Variants in EVC observed in about 807,000 individuals in gnomAD.
The protein encoded by EVC is evC complex member EVC.
In EVC, 116 loss-of-function variants were observed where a neutral mutation model predicts 118.9. That is an observed-to-expected ratio of 0.98 (90% confidence interval 0.84 to 1.14). The LOEUF (loss-of-function observed/expected upper bound fraction) is 1.14, where lower values mean the gene tolerates loss of function less well. Among genes scored for constraint, EVC ranks in the 50% most tolerant of loss-of-function variants. The pLI, the probability that EVC is intolerant of heterozygous loss-of-function variation, is 0.00. For synonymous variants in EVC, 619 were observed against 534.7 expected, an observed-to-expected ratio of 1.16 and a Z score of -2.18; for missense variants, 1,401 against 1,246.4, an observed-to-expected ratio of 1.12 and a Z score of -1.87.
intron 2 of EVC, among the ~76,000 whole-genome samples, chr4:5,722,366 C>T (rs910781808): frequency 6.6e-6 from 1 of 152,170 alleles, no homozygotes; most frequent in African/African-American, 2.4e-5. Context: ...CTAATAATTG[C>T]CAAGGGTTAA....
rs1716697966 is a variant in EVC at position 5,810,373 on chromosome 4, G to T, written c.2817G>T (p.Leu939=). 2 of 1,613,896 alleles carry T rather than the reference G, an allele frequency of 1.2e-6. No individual in the cohort carries two copies. Among genetic ancestry groups the T allele is most frequent in the Non-Finnish European group, 1.7e-6 (2 of 1,179,956 alleles). Residue 939 remains leucine (L), a synonymous_variant, in exon 20 of 21, where the codon CTG becomes CTT. Coordinates refer to ENST00000264956, the MANE Select transcript of EVC (RefSeq NM_153717.3). Reference sequence around the variant, plus strand: ...TAAGGACTAAAAGGAAGAAGCCCCTGCCCCAGGAAAGAGGGGACCTGGGGG... The same window carrying T: ...TAAGGACTAAAAGGAAGAAGCCCCTTCCCCAGGAAAGAGGGGACCTGGGGG... ...KPLRTKRKKP[L]PQERGDLGVP... is the part of the protein sequence containing the mutation.
the EVC span, chr4:5,825,460 A>G: frequency 2.0e-6 from 3 of 1,538,274 alleles, no homozygotes; most frequent in South Asian, 1.3e-5. This position sits in a 1 kb window ranked among gnomAD's most constrained non-coding sequence, Gnocchi z 4.4. Context: ...AACTGCTGCA[A>G]TTGTGGGGAG....
intron 2 of EVC, among the ~76,000 whole-genome samples, chr4:5,727,566 C>G (rs1311845897): frequency 6.6e-6 from 1 of 152,016 alleles, no homozygotes; most frequent in Non-Finnish European, 1.5e-5. Context: ...TGCAGAAGCT[C>G]TTTAGTTTAA....
In EVC at chr4:5,749,041, GC is replaced by G. The variant is rs1177124983; in HGVS notation, c.1098+738del. Among the ~76,000 whole-genome samples the G allele has an allele frequency of 6.6e-6, 1 of 151,946 alleles. No individual in the cohort carries two copies. The highest frequency in any genetic ancestry group is 1.5e-5 in the Non-Finnish European group (1 of 67,990). The stretch of plus-strand genomic sequence containing the variant: ...GACGATGGTGGGAGCTGGGGTTGAC[GC>G]CCACTGGTGTAGACAGAGCATTGAT... On this transcript the variant is annotated intron_variant, in intron 8 of 20. Transcript: ENST00000264956. This position sits in a 1 kb window ranked among gnomAD's most constrained non-coding sequence, Gnocchi z 4.4.
At chr4:5,816,493 T>A (rs1448959149), downstream of EVC, among the ~76,000 whole-genome samples, 1 of 152,106 alleles carries the variant, frequency 6.6e-6, no homozygotes, top group Admixed American at 6.5e-5. Flanking sequence ...CCCCAGGACT[T>A]CTTGCTCTAC....
chr4:5,798,852 A>G lies in EVC; in HGVS notation c.2304+60A>G, dbSNP rs73077517. 1 of 1,548,374 alleles carries G rather than the reference A, an allele frequency of 6.5e-7. No individual in the cohort carries two copies. Among genetic ancestry groups the G allele is most frequent in the Admixed American group, 1.8e-5 (1 of 54,208 alleles). ...GGCAAGAATGTTCAGGGTAGGGTCC[A>G]TGCCTGGGTCTGCTCCTTGCCACAC... On this transcript the variant is annotated intron_variant, in intron 15 of 20. Coordinates refer to ENST00000264956, the MANE Select transcript of EVC (RefSeq NM_153717.3). This position sits in a 1 kb window ranked among gnomAD's most constrained non-coding sequence, Gnocchi z 4.1.
the EVC span, chr4:5,824,906 AG>A: frequency 1.0e-6 from 1 of 985,428 alleles, no homozygotes; most frequent in South Asian, 4.7e-5. Context: ...GAAAGTCAGG[AG>A]GGATCAGGTC....
chr4:5,744,590 T>G (rs1177045408), intron 6 of EVC, among the ~76,000 whole-genome samples: 1 of 152,182 alleles, frequency 6.6e-6, no homozygotes, highest in African/African-American at 2.4e-5. Flanking sequence ...CATGCACAGC[T>G]ATCATGGCTT....
the EVC span, among the ~76,000 whole-genome samples, chr4:5,819,826 GTAGT>G: frequency 7.9e-5 from 12 of 152,162 alleles, no homozygotes; most frequent in Admixed American, 5.9e-4. Context: ...GTCTTTCTCA[GTAGT>G]TAGTTAACCT....
At chr4:5,758,825 G>C (rs1731572070) in intron 11 of EVC, among the ~76,000 whole-genome samples, 3 of 152,316 alleles carry the variant, frequency 2.0e-5, no homozygotes, top group Admixed American at 6.5e-5. Flanking sequence ...CTCGCTTCTT[G>C]TGTTTTTAGT....
In EVC at chr4:5,764,772, G is replaced by A. The variant is rs1212392018; in HGVS notation, c.1563+8410G>A. Among the ~76,000 whole-genome samples, 134 of 143,670 alleles carry A rather than the reference G, an allele frequency of 9.3e-4. 1 individual carries two copies. Among genetic ancestry groups the A allele is most frequent in the African/African-American group, 3.0e-3 (113 of 38,106 alleles). The allele number at this position is 143,670 out of a possible 152,430, so 94.3% of individuals were successfully genotyped here. On this transcript the variant is annotated intron_variant, in intron 11 of 20. Coordinates refer to ENST00000264956, the MANE Select transcript of EVC (RefSeq NM_153717.3). ...TATCCCCTTTATCATTTTTTATTGC[G>A]TCTATTTGATTCTTCTCTCTTTTCT...
intron 2 of EVC, among the ~76,000 whole-genome samples, chr4:5,722,794 T>G (rs142756762): frequency 0.019 from 2,959 of 152,366 alleles, 43 homozygotes; most frequent in Non-Finnish European, 0.031. Context: ...ATAATTGCAT[T>G]GCTCCAGCTG....
chr4:5,718,589 T>C (rs890563055), intron 1 of EVC, among the ~76,000 whole-genome samples: 4 of 151,794 alleles, frequency 2.6e-5, no homozygotes, highest in Admixed American at 2.0e-4. Context: ...GAAGGCAGAG[T>C]GCTACTTTGT....
At chr4:5,828,469 T>A in the EVC span, 1 of 1,608,394 alleles carries the variant, frequency 6.2e-7, no homozygotes, top group South Asian at 1.1e-5. Flanking sequence ...GTGGGCCCGC[T>A]CCCCTGCAGA....
In EVC at chr4:5,793,684, G is replaced by A. The variant is rs759962630; in HGVS notation, c.1853G>A (p.Gly618Asp). The A allele has an allele frequency of 3.9e-6, 6 of 1,551,732 alleles. No individual in the cohort carries two copies. The African/African-American group carries it at 8.2e-5, about 21-fold the overall frequency. ...LREDHEGTIR[G>D]VLGRLGGLTE... ...GAGGACCACGAGGGCACCATCCGCG[G>A]CGTCTTGGGCCGACTGGGCGGCCTC... is the stretch of plus-strand genomic sequence containing the variant. The change falls in exon 13 of 21, where the codon GGC becomes GAC. Residue 618 changes from glycine to aspartate, a missense_variant. Coordinates refer to ENST00000264956, the MANE Select transcript of EVC (RefSeq NM_153717.3).
At chr4:5,757,992 T>C (rs1032581109) in intron 11 of EVC, 2 of 683,096 alleles carry the variant, frequency 2.9e-6, no homozygotes, top group South Asian at 3.1e-5. Flanking sequence ...AATAAGGGCT[T>C]TGCAGATGTA....
intron 5 of EVC, among the ~76,000 whole-genome samples, chr4:5,733,817 G>C (rs1401413955): frequency 2.0e-5 from 3 of 152,166 alleles, no homozygotes; most frequent in Admixed American, 2.0e-4. Flanking sequence ...CTATGTACGA[G>C]GTCCCAGGAG....
intron 12 of EVC, 124 bp from the exon 13 acceptor site, chr4:5,793,484 C>A (rs998207552): frequency 7.4e-6 from 6 of 815,574 alleles, no homozygotes; most frequent in Middle Eastern, 2.6e-4. Flanking sequence ...TTAATGAAAT[C>A]GGGGCAGAAA....
intron 13 of EVC, among the ~76,000 whole-genome samples, chr4:5,794,325 T>TTATATATTTA (rs1560419890): frequency 2.9e-4 from 39 of 135,258 alleles, no homozygotes; most frequent in African/African-American, 1.1e-3. Flanking sequence ...TTATATATAT[T>TTATATATTTA]TATATATATT....
Sources: allele counts gnomAD v4.1 joint callset (sites outside exome capture counted in the v4.1 genomes callset), GRCh38; gene constraint gnomAD v4.1.1; non-coding constraint Gnocchi (gnomAD v3.1); transcripts MANE v1.5; gene names NCBI Gene and HGNC (gene_info 2026-07-23, HGNC 2026-07-21).